The following OGA variants were observed in gnomAD, a reference collection of about 807,000 sequenced individuals.
The protein encoded by OGA is protein O-GlcNAcase.
A neutral mutation model predicts 102.0 loss-of-function variants in OGA; 21 were observed. The observed-to-expected ratio is 0.21, with a 90% CI of 0.15 to 0.30. The LOEUF (loss-of-function observed/expected upper bound fraction) is 0.30, where lower values mean the gene tolerates loss of function less well. OGA is among the 10% of genes least tolerant of loss of function. OGA has a pLI of 1.00. For missense variants in OGA, 765 were observed against 1,107.8 expected (o/e 0.69, Z 4.39); for synonymous variants, 408 against 378.2 (o/e 1.08, Z -0.91).
chr10:101,794,722 A>G (rs1471208235), intron 10 of OGA, among the ~76,000 whole-genome samples: 1 of 152,208 alleles, frequency 6.6e-6, no homozygotes, highest in African/African-American at 2.4e-5. Context: ...TTTGCAATAC[A>G]CTGAACATAC....
rs1245105415 is a variant in OGA at position 101,818,037 on chromosome 10, C to T, written c.-15G>A. 6.4e-7 allele frequency: 1 copy of T among 1,557,496 alleles called. No homozygotes were observed. The highest frequency in any genetic ancestry group is 1.2e-5 in the South Asian group (1 of 84,810). On this transcript the variant is annotated 5_prime_UTR_variant, in exon 1 of 16. Transcript: ENST00000361464. ...TTCTGCACCATCCTCCTGCCCCCGG[C>T]CGCTGCCACCTCTGCGGGTCCTCCT...
At chr10:101,791,513 A>G in intron 12 of OGA, 74 bp from the exon 13 acceptor site, 1 of 1,220,488 alleles carries the variant, frequency 8.2e-7, no homozygotes, top group Non-Finnish European at 1.2e-6. Context: ...CTCACAAGTC[A>G]GTCTGGGGAG....
chr10:101,797,878 T>C, intron 10 of OGA, 102 bp downstream of exon 10: 2 of 1,205,348 alleles, frequency 1.7e-6, no homozygotes, highest in Non-Finnish European at 2.4e-6. Context: ...TTGAAGAGAC[T>C]TGGAAATGTG....
chr10:101,785,903 T>C lies in OGA; in HGVS notation c.*548A>G, dbSNP rs1288019260. On this transcript the variant is annotated 3_prime_UTR_variant, in exon 16 of 16. Coordinates refer to ENST00000361464, the MANE Select transcript of OGA (RefSeq NM_012215.5). ...ATTACAGGAGACAATTGGCCACGGCTTTACAAAAAGCAGAATAACTGCCCC... is the reference window on the plus strand; with the variant it reads ...ATTACAGGAGACAATTGGCCACGGCCTTACAAAAAGCAGAATAACTGCCCC... The C allele has an allele frequency of 1.3e-5, 2 of 152,224 alleles. No homozygotes were observed. The highest frequency in any genetic ancestry group is 4.8e-5 in the African/African-American group (2 of 41,438). The allele number at this position is 152,224 out of a possible 1,614,324, so 9.4% of individuals were successfully genotyped here.
chr10:101,791,295 C>G, intron 13 of OGA, 59 bp downstream of exon 13: 1 of 1,435,324 alleles, frequency 7.0e-7, no homozygotes, highest in Non-Finnish European at 9.8e-7. Flanking sequence ...CACCTCCCCT[C>G]AACCTGATAA....
Position 101,799,217 on chromosome 10 carries a change from C to T in OGA, c.1434G>A (p.Lys478=), listed in dbSNP as rs1322368397. 2 of 1,614,096 alleles carry T rather than the reference C, an allele frequency of 1.2e-6. No individual in the cohort carries two copies. The highest frequency in any genetic ancestry group is 3.3e-5 in the Admixed American group (2 of 60,004). Residue 478 remains lysine (K), a synonymous_variant, in exon 9 of 16, where the codon AAG becomes AAA. Coordinates refer to ENST00000361464, the MANE Select transcript of OGA (RefSeq NM_012215.5). ...VVEKQEETDH[K]NDNQILSEIV... is the part of the protein sequence containing the mutation. ...TTTCACTCAGTATTTGATTGTCATTCTTGTGGTCCGTTTCTTCTTGTTTTT... is the reference window on the plus strand; with the variant it reads ...TTTCACTCAGTATTTGATTGTCATTTTTGTGGTCCGTTTCTTCTTGTTTTT...
In OGA at chr10:101,818,214, G is replaced by T; in HGVS notation, c.-192C>A. 3.7e-6 allele frequency: 5 copies of T among 1,344,574 alleles called. No individual in the cohort carries two copies. In the South Asian group the frequency reaches 9.5e-5, roughly 26 times the overall value. The allele number at this position is 1,344,574 out of a possible 1,614,324, so 83.3% of individuals were successfully genotyped here. A position where few individuals can be genotyped will look rare whatever the true frequency, so the allele number is the denominator to read the frequency against. ...CCCGGATGAGAAGGGCGGCGGCACC[G>T]GCGCGAGCCCTTTGTCAGCCGCAGC... On this transcript the variant is annotated 5_prime_UTR_variant, in exon 1 of 16. Coordinates refer to ENST00000361464, the MANE Select transcript of OGA (RefSeq NM_012215.5).
chr10:101,816,275 CAACAA>C (rs2065623918), intron 1 of OGA, among the ~76,000 whole-genome samples: 1 of 152,144 alleles, frequency 6.6e-6, no homozygotes. Flanking sequence ...AAAACAAAAA[CAACAA>C]AACACACAAA....
intron 14 of OGA, among the ~76,000 whole-genome samples, chr10:101,789,036 T>A (rs180863200): frequency 2.3e-3 from 349 of 152,320 alleles, no homozygotes; most frequent in African/African-American, 8.0e-3. Context: ...CCACAATTTT[T>A]AAAAAGTTCT....
intron 4 of OGA, among the ~76,000 whole-genome samples, chr10:101,808,907 T>C (rs1225392949): frequency 6.6e-6 from 1 of 151,684 alleles, no homozygotes; most frequent in Non-Finnish European, 1.5e-5. Context: ...GAGGTAGAGG[T>C]TGCAATGAGC....
At position 101,817,808 on chromosome 10, in the gene OGA, G is replaced by A. The variant is rs1338102346; in HGVS notation, c.199+16C>T. ...ACGTGTTAGTGCCAAAACGGGGAGG[G>A]AAGGAGGGCGCTCACCTTCCACCAC... On this transcript the variant is annotated intron_variant, in intron 1 of 15. Coordinates refer to ENST00000361464, the MANE Select transcript of OGA (RefSeq NM_012215.5). The A allele has an allele frequency of 3.3e-6, 5 of 1,536,078 alleles. No homozygotes were observed. In the African/African-American group the frequency reaches 5.5e-5, roughly 17 times the overall value.
intron 1 of OGA, 94 bp downstream of exon 1, chr10:101,817,730 C>T: frequency 1.4e-6 from 2 of 1,379,970 alleles, no homozygotes; most frequent in South Asian, 1.3e-5. Context: ...AGAGGCTTTC[C>T]GGCCTTTTAG....
chr10:101,797,622 G>T, intron 10 of OGA: 1 of 417,404 alleles, frequency 2.4e-6, no homozygotes, highest in Non-Finnish European at 4.3e-6. Context: ...ACAGCAAGCA[G>T]CAGAAAGCTT....
chr10:101,801,646 C>T (rs2065394032), intron 7 of OGA, among the ~76,000 whole-genome samples: 1 of 152,130 alleles, frequency 6.6e-6, no homozygotes, highest in Non-Finnish European at 1.5e-5. Flanking sequence ...TGTACGCTGA[C>T]AGCATTTAAA....
In OGA at chr10:101,790,983, A is replaced by G. The variant is rs2065254582; in HGVS notation, c.2367T>C (p.Phe789=). The part of the protein sequence containing the change: ...YALGTVDVTP[F]IKKCKISWIP... ...TCCAGGAAATTTTACATTTTTTAAT[A>G]AAGGGGGTCACATCTACAGTGCCCA... is the stretch of plus-strand genomic sequence containing the variant. Residue 789 remains phenylalanine (F), a synonymous_variant, in exon 14 of 16, where the codon TTT becomes TTC. Coordinates refer to ENST00000361464, the MANE Select transcript of OGA (RefSeq NM_012215.5). The G allele has an allele frequency of 1.9e-6, 3 of 1,613,854 alleles. No homozygotes were observed. Among genetic ancestry groups the G allele is most frequent in the East Asian group, 4.5e-5 (2 of 44,860 alleles).
At chr10:101,814,443 A>T (rs1013821301) in intron 1 of OGA, among the ~76,000 whole-genome samples, 3 of 152,154 alleles carry the variant, frequency 2.0e-5, no homozygotes, top group African/African-American at 7.2e-5. Context: ...CCTCTTTTTT[A>T]AAAAAAGTTC....
Position 101,818,322 on chromosome 10 carries a change from G to A in OGA, c.-300C>T. 8.4e-7 allele frequency: 1 copy of A among 1,183,728 alleles called. No individual in the cohort carries two copies. Among genetic ancestry groups the A allele is most frequent in the Non-Finnish European group, 1.0e-6 (1 of 953,042 alleles). 73.3% of individuals were successfully genotyped at this position (1,183,728 alleles called of 1,614,324 possible). ...GTTCCCTGGAAGAAGACGGCCAAGG[G>A]TCCTGTCCTCGTTCTCTGCCTCTGC... On this transcript the variant is annotated 5_prime_UTR_variant, in exon 1 of 16. Transcript: ENST00000361464.
intron 4 of OGA, among the ~76,000 whole-genome samples, chr10:101,809,839 C>T (rs1182613405): frequency 6.6e-6 from 1 of 151,874 alleles, no homozygotes; most frequent in South Asian, 2.1e-4. Flanking sequence ...GTGAGCAGTT[C>T]GAGACCAGCC....
At chr10:101,791,576 T>C in intron 12 of OGA, 137 bp from the exon 13 acceptor site, 2 of 637,564 alleles carry the variant, frequency 3.1e-6, no homozygotes, top group Non-Finnish European at 2.8e-6. Context: ...CACCTCTTCT[T>C]TGTAAAATAA....
Sources: allele counts gnomAD v4.1 joint callset (sites outside exome capture counted in the v4.1 genomes callset), GRCh38; gene constraint gnomAD v4.1.1; transcripts MANE v1.5; gene names NCBI Gene and HGNC (gene_info 2026-07-23, HGNC 2026-07-21).